Variants in SYNE1 observed in about 807,000 individuals in gnomAD.
The protein encoded by SYNE1 is nesprin-1.
SYNE1 carries 616 observed loss-of-function variants against 1,111.0 expected under a neutral mutation model. The observed-to-expected ratio is 0.55, with a 90% CI of 0.52 to 0.59. The LOEUF is 0.59. Among genes scored for constraint, SYNE1 ranks in the 20% least tolerant of loss-of-function variants. The probability of loss-of-function intolerance (pLI) is 0.00; values close to 1 mark genes in which losing one functional copy is unlikely to be tolerated. For synonymous variants in SYNE1, 3,855 were observed against 3,825.8 expected (o/e 1.01, Z -0.28); for missense variants, 10,006 against 10,417.0 (o/e 0.96, Z 1.72).
intron 3 of SYNE1, among the ~76,000 whole-genome samples, chr6:152,597,628 G>A (rs1307857543): frequency 1.3e-5 from 2 of 152,136 alleles, no homozygotes; most frequent in African/African-American, 4.8e-5. Context: ...CAGAATGAGT[G>A]AGCACAAACT....
intron 58 of SYNE1, among the ~76,000 whole-genome samples, chr6:152,374,420 C>T (rs1490421783): frequency 6.6e-6 from 1 of 152,306 alleles, no homozygotes; most frequent in East Asian, 1.9e-4. Context: ...GGATGGCCAT[C>T]CCTGTCCATG....
In SYNE1 at chr6:152,164,171, C is replaced by T; in HGVS notation, c.23782G>A (p.Glu7928Lys). ...NSEEIQRKLN[E>K]QQELQRDIEK... ...TCCATTTTAAGTCTTACCTGCTGCT[C>T]ATTAAGCTTTCTCTGTATTTCTTCC... is the stretch of plus-strand genomic sequence containing the variant. Residue 7928 changes from glutamate to lysine, a missense_variant, in exon 131 of 146, where the codon GAG (glutamate) becomes AAG (lysine). Glu to Lys is a moderately conservative substitution (Grantham distance 56). This residue lies in a region of SYNE1 where 2,182 missense variants were observed against 2,287.8 expected (regional missense o/e 0.95). Transcript: ENST00000367255. 6.2e-7 allele frequency: 1 copy of T among 1,614,174 alleles called. No homozygotes were observed. Among genetic ancestry groups the T allele is most frequent in the African/African-American group, 1.3e-5 (1 of 75,054 alleles).
At position 152,344,798 on chromosome 6, in the gene SYNE1, C is replaced by T. The variant is rs982269476; in HGVS notation, c.12079-571G>A. 6.6e-5 allele frequency among the ~76,000 whole-genome samples: 10 copies of T among 152,254 alleles called. No individual in the cohort carries two copies. The South Asian group carries it at 1.5e-3, about 22-fold the overall frequency. ...CAAAAATAATCCAGAATAATTCATA[C>T]ATTTTCTGATATGTCTATTTAATTA... On this transcript the variant is annotated intron_variant, in intron 73 of 145. Transcript: ENST00000367255.
At chr6:152,476,274 C>A (rs1302485931) in intron 14 of SYNE1, among the ~76,000 whole-genome samples, 1 of 152,174 alleles carries the variant, frequency 6.6e-6, no homozygotes, top group Non-Finnish European at 1.5e-5. Context: ...ATCTTTCCTC[C>A]CAAAGCCGCT....
At chr6:152,427,480 G>C in intron 38 of SYNE1, 1 of 616,270 alleles carries the variant, frequency 1.6e-6, no homozygotes, top group East Asian at 2.7e-5. Flanking sequence ...CATGGAAATT[G>C]ATCATCACAA....
Position 152,505,242 on chromosome 6 carries a change from G to T in SYNE1, c.737C>A (p.Ala246Asp). Residue 246 changes from alanine to aspartate, a missense_variant, in exon 9 of 146, where the codon GCC becomes GAC. Physicochemically the swap from Ala to Asp is moderately radical, Grantham distance 126. Around this residue, in one of 7 missense-constraint regions of SYNE1, gnomAD observed 1,971 missense variants for 2,084.1 expected, o/e 0.95. Coordinates refer to ENST00000367255, the MANE Select transcript of SYNE1 (RefSeq NM_182961.4). ...TCTTGGGATCCCCAGTTCTGTTTCG[G>T]CGATAGTGAAAGCATCCTCCAAATT... Reference protein sequence around the residue: ...RENLEDAFTIAETELGIPRLL... With the variant: ...RENLEDAFTIDETELGIPRLL... The T allele has an allele frequency of 6.2e-7, 1 of 1,613,866 alleles. No homozygotes were observed. Among genetic ancestry groups the T allele is most frequent in the Non-Finnish European group, 8.5e-7 (1 of 1,179,950 alleles).
chr6:152,302,354 C>T, intron 91 of SYNE1: 1 of 503,344 alleles, frequency 2.0e-6, no homozygotes, highest in African/African-American at 1.9e-5. Context: ...CGAGAGGCCC[C>T]ATATGGAATC....
chr6:152,494,649 A>G (rs1211959540), intron 11 of SYNE1, among the ~76,000 whole-genome samples: 1 of 152,062 alleles, frequency 6.6e-6, no homozygotes, highest in African/African-American at 2.4e-5. Flanking sequence ...ACTGACCCTA[A>G]ATATGCCTTC....
At position 152,406,944 on chromosome 6, in the gene SYNE1, CT is replaced by C. The variant is rs549447851; in HGVS notation, c.6723+69del. 0.14 allele frequency: 126,165 copies of C among 881,786 alleles called. 959 individuals carry two copies. Among genetic ancestry groups the C allele is most frequent in the African/African-American group, 0.23 (13,125 of 58,034 alleles). The allele number at this position is 881,786 out of a possible 1,614,324, so 54.6% of individuals were successfully genotyped here. A position where few individuals can be genotyped will look rare whatever the true frequency, so the allele number is the denominator to read the frequency against. ...AAGAAGAATAAACTTTTAAGAAAGA[CT>C]TTTTTTTTTTTTCATATTCTGGTCA... On this transcript the variant is annotated intron_variant, in intron 45 of 145. Coordinates refer to ENST00000367255, the MANE Select transcript of SYNE1 (RefSeq NM_182961.4).
chr6:152,637,011 C>T (rs1428560810), intron 1 of SYNE1, 178 bp downstream of exon 1: 1 of 152,446 alleles, frequency 6.6e-6, no homozygotes, highest in African/African-American at 2.4e-5. Flanking sequence ...ATCTACTGCT[C>T]CTGTCGGGAA....
chr6:152,230,500 G>A (rs374306586), intron 115 of SYNE1, 47 bp downstream of exon 115: 73 of 1,580,880 alleles, frequency 4.6e-5, no homozygotes, highest in Middle Eastern at 1.7e-4. Context: ...ATTAGCATAC[G>A]CTATGAAATT....
intron 91 of SYNE1, among the ~76,000 whole-genome samples, chr6:152,303,925 AC>A (rs1476149862): frequency 6.6e-6 from 1 of 151,228 alleles, no homozygotes; most frequent in East Asian, 2.0e-4. Context: ...ACACACACAC[AC>A]ATTTTGTTAT....
chr6:152,300,624 T>C lies in SYNE1; in HGVS notation c.17682+17A>G. 6.2e-7 allele frequency: 1 copy of C among 1,614,102 alleles called. No homozygotes were observed. Among genetic ancestry groups the C allele is most frequent in the Non-Finnish European group, 8.5e-7 (1 of 1,180,018 alleles). ...TGCCCAGAGATTATTGCTAGAGGAA[T>C]GCCAACTGGGAGGTACCTGGTTAAC... On this transcript the variant is annotated intron_variant, in intron 93 of 145. Coordinates refer to ENST00000367255, the MANE Select transcript of SYNE1 (RefSeq NM_182961.4).
chr6:152,323,716 T>C lies in SYNE1; in HGVS notation c.15679A>G (p.Ile5227Val). Residue 5227 changes from isoleucine to valine, a missense_variant, in exon 82 of 146, where the codon ATT becomes GTT. Transcript: ENST00000367255. ...GGTAACTTATCTTGCAGCTGATCAA[T>C]CATTTCAGTGGCCTTTTTAACCTGA... ...NNKVKKATEM[I>V]DQLQDKLPGS... The C allele has an allele frequency of 7.4e-6, 12 of 1,614,230 alleles. No individual in the cohort carries two copies. Among genetic ancestry groups the C allele is most frequent in the Non-Finnish European group, 1.0e-5 (12 of 1,180,040 alleles).
At chr6:152,441,401 A>G in intron 31 of SYNE1, 131 bp from the exon 32 acceptor site, 1 of 932,432 alleles carries the variant, frequency 1.1e-6, no homozygotes, top group South Asian at 1.6e-5. Context: ...CAATGAATAG[A>G]GATGATTCTA....
At chr6:152,258,119 T>C (rs190982233) in intron 101 of SYNE1, among the ~76,000 whole-genome samples, 2 of 152,140 alleles carry the variant, frequency 1.3e-5, no homozygotes, top group Non-Finnish European at 2.9e-5. Flanking sequence ...AAAATAGATA[T>C]AAATACAAAT....
At chr6:152,427,658 T>G (rs1343092934) in intron 38 of SYNE1, 35 bp downstream of exon 38, 1 of 1,613,354 alleles carries the variant, frequency 6.2e-7, no homozygotes. Context: ...AAAAAGCATT[T>G]TATTTTTTCC....
At chr6:152,237,505 G>A (rs1199682258) in intron 108 of SYNE1, among the ~76,000 whole-genome samples, 3 of 150,892 alleles carry the variant, frequency 2.0e-5, no homozygotes, top group East Asian at 3.9e-4. Flanking sequence ...GTAGAGATGG[G>A]GGTCTCACTA....
At chr6:152,460,978 A>G (rs1441944986) in intron 21 of SYNE1, among the ~76,000 whole-genome samples, 1 of 151,632 alleles carries the variant, frequency 6.6e-6, no homozygotes. Context: ...ATGCCTGGCT[A>G]ATTTTTGTAT....
Sources: gnomAD v4.1 joint callset for allele counts (sites outside exome capture counted in the v4.1 genomes callset) on GRCh38, gnomAD v4.1.1 for gene constraint, gnomAD v4.1.1 regional missense constraint, MANE v1.5 for transcripts, NCBI Gene and HGNC (gene_info 2026-07-23, HGNC 2026-07-21) for gene names.